NRXN1: variants seen among roughly 807,000 people sequenced by gnomAD.
NRXN1 encodes neurexin-1.
Under a neutral mutation model 150.9 loss-of-function variants are expected in NRXN1, and 39 were observed. The ratio of observed to expected loss-of-function variants is 0.26; its 90% confidence interval spans 0.20 to 0.34. The LOEUF is 0.34. NRXN1 is among the 10% of genes least tolerant of loss of function. The pLI is 1.00. For synonymous variants in NRXN1, 924 were observed against 757.0 expected, an observed-to-expected ratio of 1.22 and a Z score of -3.62; for missense variants, 1,815 against 1,949.9, an observed-to-expected ratio of 0.93 and a Z score of 1.30.
intron 8 of NRXN1, among the ~76,000 whole-genome samples, chr2:50,590,604 C>A (rs1054682453): frequency 2.0e-5 from 3 of 152,040 alleles, no homozygotes; most frequent in African/African-American, 4.8e-5. Flanking sequence ...TGTGATGGGG[C>A]CTTTAGGAAG....
At chr2:49,961,352 A>G (rs556442362) in intron 21 of NRXN1, among the ~76,000 whole-genome samples, 4 of 151,102 alleles carry the variant, frequency 2.6e-5, no homozygotes, top group Non-Finnish European at 5.9e-5. Context: ...ACACACATCA[A>G]TCTCTCAATC....
At chr2:50,409,736 TA>T (rs2083009702) in intron 17 of NRXN1, among the ~76,000 whole-genome samples, 1 of 152,224 alleles carries the variant, frequency 6.6e-6, no homozygotes, top group Non-Finnish European at 1.5e-5. Flanking sequence ...TTCACTACAA[TA>T]GTTACATGTA....
chr2:50,501,798 C>T (rs902441979), intron 13 of NRXN1, among the ~76,000 whole-genome samples: 20 of 152,286 alleles, frequency 1.3e-4, no homozygotes, highest in African/African-American at 4.8e-4. Flanking sequence ...CTGGCAAATA[C>T]TATCCTCACG....
chr2:49,949,239 G>A (rs761355932), intron 21 of NRXN1, among the ~76,000 whole-genome samples: 22 of 151,756 alleles, frequency 1.4e-4, no homozygotes, highest in Non-Finnish European at 2.7e-4. Context: ...TTGGTTGGGG[G>A]GAATTTAGAG....
intron 2 of NRXN1, 61 bp from the exon 3 acceptor site, chr2:50,926,016 C>A (rs189877713): frequency 6.5e-6 from 9 of 1,378,134 alleles, no homozygotes; most frequent in Non-Finnish European, 9.1e-6. Context: ...AGCATGCAGA[C>A]TGGACCTTGC....
chr2:50,743,391 G>A (rs1193044072), intron 5 of NRXN1, among the ~76,000 whole-genome samples: 1 of 152,100 alleles, frequency 6.6e-6, no homozygotes, highest in Admixed American at 6.6e-5. Flanking sequence ...AAACTGCTCA[G>A]CATTTTTTTG....
At chr2:50,418,997 C>T (rs1291652567) in intron 17 of NRXN1, among the ~76,000 whole-genome samples, 1 of 151,896 alleles carries the variant, frequency 6.6e-6, no homozygotes, top group Non-Finnish European at 1.5e-5. Flanking sequence ...CTTTGACTCT[C>T]CTTTGAATAT....
intron 17 of NRXN1, among the ~76,000 whole-genome samples, chr2:50,379,767 G>A (rs891802830): frequency 6.6e-6 from 1 of 152,078 alleles, no homozygotes; most frequent in Admixed American, 6.6e-5. Flanking sequence ...ACAATAAACA[G>A]AATACAAGAC....
intron 5 of NRXN1, among the ~76,000 whole-genome samples, chr2:50,747,466 C>A (rs1035133668): frequency 6.6e-6 from 1 of 152,092 alleles, no homozygotes; most frequent in Non-Finnish European, 1.5e-5. Flanking sequence ...ACAACACAGT[C>A]AACCATATGT....
At chr2:50,252,233 C>CTTTTTTTTTTTCTT (rs2067173937) in intron 17 of NRXN1, among the ~76,000 whole-genome samples, 5 of 94,914 alleles carry the variant, frequency 5.3e-5, no homozygotes, top group African/African-American at 1.3e-4. Context: ...ACATTTTGTC[C>CTTTTTTTTTTTCTT]TTTTTTTTTT....
At chr2:50,504,480 C>A (rs1673788602) in intron 13 of NRXN1, among the ~76,000 whole-genome samples, 1 of 152,094 alleles carries the variant, frequency 6.6e-6, no homozygotes. Context: ...CTTAAATGTT[C>A]ACAGTAGTAA....
chr2:50,150,388 A>T (rs1029198078), intron 18 of NRXN1, among the ~76,000 whole-genome samples: 1 of 151,838 alleles, frequency 6.6e-6, no homozygotes, highest in Non-Finnish European at 1.5e-5. Context: ...CTTAGACATC[A>T]GAACTAGCAA....
intron 19 of NRXN1, among the ~76,000 whole-genome samples, chr2:50,069,788 T>C (rs1008907862): frequency 2.0e-5 from 3 of 152,034 alleles, no homozygotes; most frequent in African/African-American, 7.2e-5. Context: ...GTCATGGTTT[T>C]GACAGCCATC....
At chr2:49,949,798 G>C (rs992241524) in intron 21 of NRXN1, among the ~76,000 whole-genome samples, 1 of 151,808 alleles carries the variant, frequency 6.6e-6, no homozygotes. Flanking sequence ...TGAATTGATA[G>C]CAACAGTTAG....
At chr2:50,921,260 T>C (rs551952591) in intron 5 of NRXN1, among the ~76,000 whole-genome samples, 1 of 151,904 alleles carries the variant, frequency 6.6e-6, no homozygotes, top group Non-Finnish European at 1.5e-5. Context: ...AGAGTACACA[T>C]GCCTGACTTA....
Position 49,919,353 on chromosome 2 carries a change from A to C in NRXN1, c.*2591T>G, listed in dbSNP as rs772881573. On this transcript the variant is annotated 3_prime_UTR_variant, in exon 23 of 23. Coordinates refer to ENST00000401669, the MANE Select transcript of NRXN1 (RefSeq NM_001330078.2). ...TGTGTAAGCCAATAATATTAGAAATAATTTTGCTGATAATAAACTATATCA... is the reference window on the plus strand; with the variant it reads ...TGTGTAAGCCAATAATATTAGAAATCATTTTGCTGATAATAAACTATATCA... 2.0e-5 allele frequency: 3 copies of C among 152,120 alleles called. No homozygotes were observed. The highest frequency in any genetic ancestry group is 4.4e-5 in the Non-Finnish European group (3 of 67,972). 9.4% of individuals were successfully genotyped at this position (152,120 alleles called of 1,614,324 possible). A position where few individuals can be genotyped will look rare whatever the true frequency, so the allele number is the denominator to read the frequency against.
At chr2:50,521,301 A>G (rs896939819) in intron 12 of NRXN1, among the ~76,000 whole-genome samples, 1 of 152,232 alleles carries the variant, frequency 6.6e-6, no homozygotes, top group Admixed American at 6.5e-5. Context: ...AGTACTATGC[A>G]TAAAATATTT....
At chr2:50,464,129 G>T (rs2088555409) in intron 17 of NRXN1, 2 of 151,708 alleles carry the variant, frequency 1.3e-5, no homozygotes, top group Admixed American at 6.6e-5. Context: ...TGGCGTTATT[G>T]TGTTTTAAGT....
chr2:50,300,142 T>A (rs1021774513), intron 17 of NRXN1, among the ~76,000 whole-genome samples: 2 of 152,294 alleles, frequency 1.3e-5, no homozygotes, highest in East Asian at 3.9e-4. Flanking sequence ...TGGACATTTG[T>A]AAGCTAAAGA....
Sources: allele counts gnomAD v4.1 joint callset (sites outside exome capture counted in the v4.1 genomes callset), GRCh38; gene constraint gnomAD v4.1.1; transcripts MANE v1.5; gene names NCBI Gene and HGNC (gene_info 2026-07-23, HGNC 2026-07-21).